GALNT17: variants seen among roughly 807,000 people sequenced by gnomAD.
GALNT17 encodes polypeptide N-acetylgalactosaminyltransferase 17, also known as UDP-GalNAc:polypeptide N-acetylgalactosaminyltransferase-like 3.
Under a neutral mutation model 63.7 loss-of-function variants are expected in GALNT17, and 29 were observed. That is an observed-to-expected ratio of 0.46 (90% CI 0.34 to 0.62). The LOEUF (loss-of-function observed/expected upper bound fraction) is 0.62, where lower values mean the gene tolerates loss of function less well. Ranked by LOEUF, GALNT17 falls within the 20% of genes least tolerant of loss-of-function variation. The pLI, the probability that GALNT17 is intolerant of heterozygous loss-of-function variation, is 0.01. For missense variants in GALNT17, 603 were observed against 799.6 expected, an observed-to-expected ratio of 0.75 and a Z score of 2.97; for synonymous variants, 305 against 318.3, an observed-to-expected ratio of 0.96 and a Z score of 0.45.
At chr7:71,615,926 A>C (rs1790195383) in intron 6 of GALNT17, among the ~76,000 whole-genome samples, 1 of 151,994 alleles carries the variant, frequency 6.6e-6, no homozygotes, top group South Asian at 2.1e-4. Context: ...GCAGGGGAGG[A>C]GGTGTCGTCT....
At chr7:71,449,469 T>A (rs898939712) in intron 5 of GALNT17, among the ~76,000 whole-genome samples, 18 of 152,194 alleles carry the variant, frequency 1.2e-4, no homozygotes, top group African/African-American at 4.1e-4. Context: ...TCATTATATG[T>A]ATATTTTTTA....
At chr7:71,232,659 T>C (rs140653874) in intron 1 of GALNT17, among the ~76,000 whole-genome samples, 3,270 of 152,290 alleles carry the variant, frequency 0.021, 61 homozygotes, top group Non-Finnish European at 0.032. Context: ...GCTCTGTGAC[T>C]GCTCCTGCAG....
chr7:71,363,779 C>T lies in GALNT17; in HGVS notation c.423-24456C>T, dbSNP rs74949580. Among the ~76,000 whole-genome samples the T allele has an allele frequency of 2.4e-3, 361 of 152,266 alleles. 1 individual carries two copies. The highest frequency in any genetic ancestry group is 4.3e-3 in the Non-Finnish European group (293 of 68,036). On this transcript the variant is annotated intron_variant, in intron 2 of 10. Coordinates refer to ENST00000333538, the MANE Select transcript of GALNT17 (RefSeq NM_022479.3). ...AGGACAGCAAAAGGAGAGTGGTGGA[C>T]GGAAAACAGAAGCAAGGTAGAGAAG...
intron 5 of GALNT17, among the ~76,000 whole-genome samples, chr7:71,544,937 ATAAAT>A (rs1432459648): frequency 6.6e-6 from 1 of 151,888 alleles, no homozygotes; most frequent in African/African-American, 2.4e-5. Context: ...AATGCGTTAG[ATAAAT>A]TAAACTTGAA....
At chr7:71,396,193 C>G (rs1191833934) in intron 3 of GALNT17, among the ~76,000 whole-genome samples, 1 of 152,062 alleles carries the variant, frequency 6.6e-6, no homozygotes. Context: ...GTTGCCTAAT[C>G]CAAAGTCACA....
chr7:71,545,293 T>C (rs970845993), intron 5 of GALNT17, among the ~76,000 whole-genome samples: 17 of 152,204 alleles, frequency 1.1e-4, no homozygotes, highest in Admixed American at 6.5e-5. Flanking sequence ...TTTGTTCTTA[T>C]GGTTTTTGAC....
intron 1 of GALNT17, among the ~76,000 whole-genome samples, chr7:71,278,395 A>G (rs1283054775): frequency 1.3e-5 from 2 of 152,178 alleles, no homozygotes; most frequent in Admixed American, 6.5e-5. Context: ...CTTCCTTGCC[A>G]CTTTTAGCTT....
intron 1 of GALNT17, among the ~76,000 whole-genome samples, chr7:71,209,279 G>T (rs1789331094): frequency 6.6e-6 from 1 of 152,146 alleles, no homozygotes; most frequent in Admixed American, 6.5e-5. Context: ...TCTTCCTCAG[G>T]TCACAGTTTA....
At chr7:71,553,717 G>A (rs1464310260) in intron 5 of GALNT17, among the ~76,000 whole-genome samples, 2 of 152,164 alleles carry the variant, frequency 1.3e-5, no homozygotes, top group African/African-American at 4.8e-5. Flanking sequence ...TCCAGCCCTC[G>A]TGTTCACTGA....
At chr7:71,380,486 A>G (rs1174149705) in intron 2 of GALNT17, among the ~76,000 whole-genome samples, 1 of 151,726 alleles carries the variant, frequency 6.6e-6, no homozygotes. Context: ...CACCCGGCTA[A>G]TTTTTTAAAT....
chr7:71,461,974 C>G (rs1326776334), intron 5 of GALNT17, among the ~76,000 whole-genome samples: 1 of 152,226 alleles, frequency 6.6e-6, no homozygotes, highest in Admixed American at 6.5e-5. Context: ...CAGTGTCCAG[C>G]AGTGCCATTA....
chr7:71,600,471 A>G (rs1405963240), intron 6 of GALNT17, among the ~76,000 whole-genome samples: 3 of 152,074 alleles, frequency 2.0e-5, no homozygotes, highest in African/African-American at 7.2e-5. Context: ...CCTAACTGTA[A>G]TCATTCCCCA....
chr7:71,642,969 C>G (rs866621850), intron 6 of GALNT17, among the ~76,000 whole-genome samples: 16 of 152,272 alleles, frequency 1.1e-4, no homozygotes, highest in South Asian at 4.1e-4. Context: ...TCTCTTAACC[C>G]CCAGGTGTTC....
At chr7:71,144,281 A>G (rs986946419) in intron 1 of GALNT17, among the ~76,000 whole-genome samples, 1 of 152,108 alleles carries the variant, frequency 6.6e-6, no homozygotes, top group African/African-American at 2.4e-5. Flanking sequence ...CATCTGTGGC[A>G]TCCACCAGCA....
chr7:71,613,774 C>A (rs888452061), intron 6 of GALNT17, among the ~76,000 whole-genome samples: 1 of 150,198 alleles, frequency 6.7e-6, no homozygotes, highest in Non-Finnish European at 1.5e-5. Flanking sequence ...GGAAACATAG[C>A]GAGACCCCAT....
At chr7:71,250,788 C>G (rs769945373) in intron 1 of GALNT17, among the ~76,000 whole-genome samples, 16 of 152,184 alleles carry the variant, frequency 1.1e-4, no homozygotes, top group Non-Finnish European at 1.9e-4. Flanking sequence ...GTATCACAGG[C>G]TGAAACGTGG....
intron 1 of GALNT17, among the ~76,000 whole-genome samples, chr7:71,199,774 C>T (rs1449373021): frequency 6.6e-6 from 1 of 151,832 alleles, no homozygotes; most frequent in East Asian, 1.9e-4. Context: ...ATCCATCCAC[C>T]CACTCATCTA....
intron 1 of GALNT17, among the ~76,000 whole-genome samples, chr7:71,329,617 G>T (rs780735902): frequency 5.8e-4 from 88 of 152,086 alleles, no homozygotes; most frequent in Non-Finnish European, 1.1e-3. Flanking sequence ...GAAGGCGAAA[G>T]GGAAGCAGGC....
chr7:71,514,853 T>C (rs573314316), intron 5 of GALNT17, among the ~76,000 whole-genome samples: 219 of 152,332 alleles, frequency 1.4e-3, no homozygotes, highest in Non-Finnish European at 2.3e-3. Context: ...AAATCTCATC[T>C]TGAATTGTAG....
Sources: gnomAD v4.1 joint callset for allele counts (sites outside exome capture counted in the v4.1 genomes callset) on GRCh38, gnomAD v4.1.1 for gene constraint, MANE v1.5 for transcripts, NCBI Gene and HGNC (gene_info 2026-07-23, HGNC 2026-07-21) for gene names.